The following NAALADL2 variants were observed in gnomAD, a reference collection of about 807,000 sequenced individuals.
NAALADL2 encodes the protein N-acetylated alpha-linked acidic dipeptidase like 2.
Under a neutral mutation model 87.2 loss-of-function variants are expected in NAALADL2, and 76 were observed. That is an observed-to-expected ratio of 0.87 (90% CI 0.72 to 1.05). The LOEUF is 1.05. NAALADL2 is among the 50% of genes least tolerant of loss of function. The probability of loss-of-function intolerance (pLI) is 0.00; values close to 1 mark genes in which losing one functional copy is unlikely to be tolerated. For synonymous variants in NAALADL2, 354 were observed against 331.0 expected, an observed-to-expected ratio of 1.07 and a Z score of -0.75; for missense variants, 1,089 against 945.8, an observed-to-expected ratio of 1.15 and a Z score of -1.99.
intron 2 of NAALADL2, among the ~76,000 whole-genome samples, chr3:175,182,550 G>GTTTTTGTTTTTTTTTTTTTT (rs1736725295): frequency 1.4e-5 from 1 of 69,440 alleles, no homozygotes; most frequent in African/African-American, 6.0e-5. Flanking sequence ...ACCACAGCCA[G>GTTTTTGTTTTTTTTTTTTTT]TTTTTTTTTT....
chr3:175,333,948 T>A (rs925108852), intron 5 of NAALADL2, among the ~76,000 whole-genome samples: 24 of 152,166 alleles, frequency 1.6e-4, no homozygotes, highest in Admixed American at 3.9e-4. Context: ...CATCACCATA[T>A]ATATGTATAA....
intron 11 of NAALADL2, among the ~76,000 whole-genome samples, chr3:175,711,381 A>T (rs745373940): frequency 6.6e-6 from 1 of 151,850 alleles, no homozygotes; most frequent in Non-Finnish European, 1.5e-5. Flanking sequence ...CAAAGAATCA[A>T]TTTTTTTAAA....
intron 2 of NAALADL2, among the ~76,000 whole-genome samples, chr3:175,226,456 A>G (rs752456957): frequency 5.3e-5 from 8 of 152,116 alleles, no homozygotes; most frequent in Non-Finnish European, 8.8e-5. Context: ...TTTGGAAAGC[A>G]TCTCAGATTG....
At chr3:174,978,148 A>T (rs1233548336) in intron 1 of NAALADL2, among the ~76,000 whole-genome samples, 4 of 152,200 alleles carry the variant, frequency 2.6e-5, no homozygotes, top group Admixed American at 2.0e-4. Flanking sequence ...GATTCTAACC[A>T]GGAAGTTTGC....
chr3:175,126,276 C>T (rs560543682), intron 2 of NAALADL2, among the ~76,000 whole-genome samples: 1 of 152,144 alleles, frequency 6.6e-6, no homozygotes, highest in East Asian at 1.9e-4. Flanking sequence ...AGCATTAGCT[C>T]TAATAAATTC....
At chr3:175,589,772 A>G (rs1387001587) in intron 10 of NAALADL2, among the ~76,000 whole-genome samples, 1 of 147,434 alleles carries the variant, frequency 6.8e-6, no homozygotes, top group Non-Finnish European at 1.5e-5. Context: ...ACCAAAGTAA[A>G]TATTTAAGCC....
At chr3:175,138,236 C>T (rs116574483) in intron 2 of NAALADL2, among the ~76,000 whole-genome samples, 2 of 152,214 alleles carry the variant, frequency 1.3e-5, no homozygotes, top group Non-Finnish European at 2.9e-5. Flanking sequence ...TTCTAGAAGA[C>T]TGAATACAGA....
intron 9 of NAALADL2, among the ~76,000 whole-genome samples, chr3:175,536,198 A>G (rs1221410228): frequency 6.6e-6 from 1 of 152,234 alleles, no homozygotes; most frequent in African/African-American, 2.4e-5. Context: ...ATAGCTGCGT[A>G]TTTGGCAAAT....
chr3:174,526,494 A>C (rs1284101143), intron 1 of NAALADL2, among the ~76,000 whole-genome samples: 1 of 152,206 alleles, frequency 6.6e-6, no homozygotes, highest in East Asian at 1.9e-4. Context: ...AACACTTTAC[A>C]TATTGCCTGG....
chr3:175,271,789 C>T lies in NAALADL2; in HGVS notation c.939+15259C>T, dbSNP rs190711094. ...CTGCCTGGGTGACAGAGTGAGACTT[C>T]GTCTCAAAGTAAATTAAATTAAATT... is the stretch of plus-strand genomic sequence containing the variant. On this transcript the variant is annotated intron_variant, in intron 4 of 13. Coordinates refer to ENST00000454872, the MANE Select transcript of NAALADL2 (RefSeq NM_207015.3). 1.3e-3 allele frequency among the ~76,000 whole-genome samples: 192 copies of T among 152,120 alleles called. 1 individual carries two copies. Among genetic ancestry groups the T allele is most frequent in the Non-Finnish European group, 6.9e-4 (47 of 68,002 alleles).
chr3:175,012,117 G>A (rs539441191), intron 1 of NAALADL2, among the ~76,000 whole-genome samples: 1 of 152,228 alleles, frequency 6.6e-6, no homozygotes, highest in Non-Finnish European at 1.5e-5. Context: ...CTGAGAGAAC[G>A]TGGACAGTAT....
intron 1 of NAALADL2, among the ~76,000 whole-genome samples, chr3:174,513,102 C>G (rs1275894404): frequency 1.3e-5 from 2 of 151,978 alleles, no homozygotes; most frequent in Admixed American, 1.3e-4. Flanking sequence ...GCTGGGATTA[C>G]AAGCGTGTGC....
At chr3:175,792,662 T>C (rs867382098) in intron 13 of NAALADL2, among the ~76,000 whole-genome samples, 2 of 152,234 alleles carry the variant, frequency 1.3e-5, no homozygotes, top group Non-Finnish European at 1.5e-5. Flanking sequence ...TCAAGTATAG[T>C]ATATCTGGAT....
chr3:174,718,382 A>G (rs969268821), intron 2 of NAALADL2, among the ~76,000 whole-genome samples: 3 of 152,180 alleles, frequency 2.0e-5, no homozygotes, highest in Non-Finnish European at 4.4e-5. Context: ...TACAGTCATG[A>G]TCTGTACAAC....
At chr3:175,464,405 CAG>C (rs1360049444) in intron 7 of NAALADL2, among the ~76,000 whole-genome samples, 1 of 132,804 alleles carries the variant, frequency 7.5e-6, no homozygotes, top group Non-Finnish European at 1.6e-5. Flanking sequence ...GCCTGGGCAA[CAG>C]AGAGAGACTC....
intron 2 of NAALADL2, among the ~76,000 whole-genome samples, chr3:175,171,477 C>T (rs867091564): frequency 5.3e-5 from 8 of 151,982 alleles, no homozygotes; most frequent in South Asian, 2.1e-4. Flanking sequence ...TCTTATCAGA[C>T]AAAATGTATA....
At chr3:175,742,966 C>T (rs1427833164) in intron 12 of NAALADL2, among the ~76,000 whole-genome samples, 5 of 151,130 alleles carry the variant, frequency 3.3e-5, no homozygotes, top group East Asian at 2.0e-4. Flanking sequence ...AGTTTTATGT[C>T]TTACTTCAGA....
chr3:175,538,956 T>C lies in NAALADL2; in HGVS notation c.1654-37085T>C, dbSNP rs533000985. On this transcript the variant is annotated intron_variant, in intron 9 of 13. Transcript: ENST00000454872. ...AGGCAAGAGCAGGCAGAAAAATTCA[T>C]GGTTCATATTTTTCTACAAAAGGTA... 2.6e-5 allele frequency among the ~76,000 whole-genome samples: 4 copies of C among 152,326 alleles called. No homozygotes were observed. The South Asian group carries it at 8.3e-4, about 32-fold the overall frequency.
chr3:175,049,719 C>A (rs1349853321), intron 1 of NAALADL2, among the ~76,000 whole-genome samples: 1 of 152,180 alleles, frequency 6.6e-6, no homozygotes, highest in Non-Finnish European at 1.5e-5. Flanking sequence ...CTCTGTACCT[C>A]ATTAACCAGA....
Sources: gnomAD v4.1 joint callset for allele counts (sites outside exome capture counted in the v4.1 genomes callset) on GRCh38, gnomAD v4.1.1 for gene constraint, MANE v1.5 for transcripts, NCBI Gene and HGNC (gene_info 2026-07-23, HGNC 2026-07-21) for gene names.